EGFL6: variants seen among roughly 807,000 people sequenced by gnomAD.
The protein encoded by EGFL6 is epidermal growth factor-like protein 6.
A neutral mutation model predicts 43.1 loss-of-function variants in EGFL6; 42 were observed. The observed-to-expected ratio is 0.98, with a 90% CI of 0.76 to 1.26. The LOEUF is 1.26. Ranked by LOEUF, EGFL6 falls within the 50% of genes most tolerant of loss-of-function variation. EGFL6 has a pLI of 0.00. For synonymous variants in EGFL6, 164 were observed against 163.2 expected (o/e 1.01, Z -0.04); for missense variants, 429 against 427.8 (o/e 1.00, Z -0.02).
At chrX:13,617,700 T>C (rs764218587) in intron 7 of EGFL6, 30 bp from the exon 8 acceptor site, 1 of 1,110,660 alleles carries the variant, frequency 9.0e-7, no homozygotes, top group Non-Finnish European at 1.2e-6. Flanking sequence ...ATCTTCCAAT[T>C]TGGAACATAT....
intron 1 of EGFL6, 51 bp downstream of exon 1, chrX:13,569,986 C>A: frequency 8.7e-7 from 1 of 1,150,004 alleles, no homozygotes; most frequent in Non-Finnish European, 1.2e-6. Context: ...CCTGAGGTCC[C>A]GCTTTGGGGC....
chrX:13,599,644 T>C (rs56007763), intron 3 of EGFL6, among the ~76,000 whole-genome samples: 1,895 of 108,285 alleles, frequency 0.018, 54 homozygotes, highest in African/African-American at 0.061. Flanking sequence ...TATCATGCTA[T>C]TATGAGCATT....
At chrX:13,584,558 G>A (rs1036945065) in intron 1 of EGFL6, among the ~76,000 whole-genome samples, 21 of 111,667 alleles carry the variant, frequency 1.9e-4, no homozygotes, top group Non-Finnish European at 3.2e-4. Flanking sequence ...TAGGTTGTCC[G>A]TCTAATGAGT....
intron 7 of EGFL6, among the ~76,000 whole-genome samples, chrX:13,611,521 T>C (rs1260552361): frequency 1.8e-5 from 2 of 112,342 alleles, no homozygotes; most frequent in Non-Finnish European, 3.8e-5. Flanking sequence ...GAGCCATCTT[T>C]CTTCCTCGTC....
intron 1 of EGFL6, 33 bp downstream of exon 1, chrX:13,569,968 AC>A (rs765934460): frequency 8.4e-6 from 10 of 1,191,801 alleles, no homozygotes; most frequent in Non-Finnish European, 1.1e-5. Context: ...GCTTCCCCCC[AC>A]CCCCGGCCTG....
At chrX:13,577,949 A>C (rs140090411) in intron 1 of EGFL6, among the ~76,000 whole-genome samples, 2,063 of 111,694 alleles carry the variant, frequency 0.018, 36 homozygotes, top group African/African-American at 0.061. Context: ...AATTATGACA[A>C]AATTGCACAG....
intron 1 of EGFL6, among the ~76,000 whole-genome samples, chrX:13,571,093 T>C (rs2045439447): frequency 1.3e-5 from 1 of 74,277 alleles, no homozygotes; most frequent in South Asian, 9.6e-4. Flanking sequence ...AGTAGCAACC[T>C]TGACCCCACC....
intron 1 of EGFL6, among the ~76,000 whole-genome samples, chrX:13,588,899 C>A (rs757843775): frequency 2.5e-4 from 28 of 112,104 alleles, no homozygotes; most frequent in Admixed American, 1.4e-3. Flanking sequence ...AAAATACTTA[C>A]CATCTGGCTT....
chrX:13,629,387 T>C (rs12835909), intron 11 of EGFL6, among the ~76,000 whole-genome samples: 35,439 of 110,368 alleles, frequency 0.32, 4,838 homozygotes, highest in South Asian at 0.45. Context: ...ACATGGTAGC[T>C]TGCAGGGAGG....
rs747934170 is a variant in EGFL6, at chrX:13,582,251, C to T, written c.75-7305C>T. ...TAATTTTTTGTATTTTTAGTAGAGA[C>T]GGGGTTTCACCATGTTAGCCAGGAT... On this transcript the variant is annotated intron_variant, in intron 1 of 11. Coordinates refer to ENST00000361306, the MANE Select transcript of EGFL6 (RefSeq NM_015507.4). 1.2e-4 allele frequency among the ~76,000 whole-genome samples: 13 copies of T among 109,156 alleles called. No individual in the cohort carries two copies. In the South Asian group the frequency reaches 2.0e-3, roughly 17 times the overall value. The allele number at this position is 109,156 out of a possible 115,157, so 94.8% of individuals were successfully genotyped here.
At chrX:13,573,638 T>G (rs2045454965) in intron 1 of EGFL6, among the ~76,000 whole-genome samples, 1 of 112,194 alleles carries the variant, frequency 8.9e-6, no homozygotes, top group Admixed American at 9.4e-5. Context: ...GTCAACCATT[T>G]TCAATGTTAT....
intron 3 of EGFL6, chrX:13,596,095 C>T (rs920211506): frequency 1.8e-5 from 2 of 112,238 alleles, no homozygotes; most frequent in Non-Finnish European, 3.8e-5. Context: ...ATGATAATAT[C>T]TATAACAGTG....
chrX:13,590,766 T>C (rs1017807256), intron 2 of EGFL6, among the ~76,000 whole-genome samples: 1 of 112,119 alleles, frequency 8.9e-6, no homozygotes, highest in African/African-American at 3.2e-5. Flanking sequence ...CATCATAGTT[T>C]GCTTGTGACA....
At chrX:13,593,723 A>G (rs2045579864) in intron 2 of EGFL6, among the ~76,000 whole-genome samples, 1 of 112,163 alleles carries the variant, frequency 8.9e-6, no homozygotes, top group Non-Finnish European at 1.9e-5. Flanking sequence ...GGTGGTAGAA[A>G]CAGGGATAGG....
intron 7 of EGFL6, among the ~76,000 whole-genome samples, chrX:13,616,501 T>A (rs2045718353): frequency 9.2e-6 from 1 of 108,356 alleles, no homozygotes; most frequent in South Asian, 4.0e-4. Context: ...TCCCAGATAC[T>A]GGGGAGGCTG....
chrX:13,597,062 G>A (rs945263621), intron 3 of EGFL6, among the ~76,000 whole-genome samples: 5 of 112,037 alleles, frequency 4.5e-5, no homozygotes, highest in Admixed American at 9.4e-5. Context: ...AGGTACTCCC[G>A]GCATCTAGTG....
At chrX:13,623,164 G>C (rs1164753873) in intron 9 of EGFL6, among the ~76,000 whole-genome samples, 1 of 109,709 alleles carries the variant, frequency 9.1e-6, no homozygotes, top group African/African-American at 3.3e-5. Context: ...ACTCCAGCCT[G>C]AGTGACAGAG....
At chrX:13,624,789 C>A (rs2045769447) in intron 10 of EGFL6, among the ~76,000 whole-genome samples, 1 of 111,702 alleles carries the variant, frequency 9.0e-6, no homozygotes, top group Admixed American at 9.5e-5. Flanking sequence ...AACATCTTTC[C>A]TTTCATGCCC....
chrX:13,627,225 G>A lies in EGFL6; in HGVS notation c.1500G>A (p.Lys500=), dbSNP rs759308631. The change falls in exon 11 of 12, where the codon AAG becomes AAA. Residue 500 remains lysine, a synonymous_variant. Coordinates refer to ENST00000361306, the MANE Select transcript of EGFL6 (RefSeq NM_015507.4). ...AWEKTTSEDE[K]WKTGKIQLYQ... ...AGAAGACCACGAGTGAGGATGAAAA[G>A]TGGAAGACAGGGAAAATTCAGTTGT... is the stretch of plus-strand genomic sequence containing the variant. The A allele has an allele frequency of 1.7e-6, 2 of 1,211,928 alleles. No homozygotes were observed. Among genetic ancestry groups the A allele is most frequent in the Admixed American group, 4.3e-5 (2 of 46,099 alleles).
Sources: gnomAD v4.1 joint callset for allele counts (sites outside exome capture counted in the v4.1 genomes callset) on GRCh38, gnomAD v4.1.1 for gene constraint, MANE v1.5 for transcripts, NCBI Gene and HGNC (gene_info 2026-07-23, HGNC 2026-07-21) for gene names.